RAP1A: variants seen among roughly 807,000 people sequenced by gnomAD.
The protein encoded by RAP1A is ras-related protein Rap-1A.
RAP1A carries 6 observed loss-of-function variants against 26.4 expected under a neutral mutation model. The observed-to-expected ratio is 0.23, with a 90% confidence interval of 0.12 to 0.45. RAP1A has a LOEUF of 0.45. Among genes scored for constraint, RAP1A ranks in the 20% least tolerant of loss-of-function variants. The pLI is 0.99. For synonymous variants in RAP1A, 73 were observed against 79.4 expected (o/e 0.92, Z 0.43); for missense variants, 121 against 217.2 (o/e 0.56, Z 2.78).
intron 7 of RAP1A, among the ~76,000 whole-genome samples, chr1:111,709,777 C>T (rs1408934745): frequency 1.3e-5 from 2 of 152,194 alleles, no homozygotes; most frequent in African/African-American, 4.8e-5. Flanking sequence ...AGTGTATTTC[C>T]TGTGTCTGGC....
In RAP1A at chr1:111,703,332, A is replaced by T; in HGVS notation, c.184-4A>T. 1 of 1,532,476 alleles carries T rather than the reference A, an allele frequency of 6.5e-7. No homozygotes were observed. Among genetic ancestry groups the T allele is most frequent in the South Asian group, 1.3e-5 (1 of 78,464 alleles). 94.9% of individuals were successfully genotyped at this position (1,532,476 alleles called of 1,614,324 possible). A position where few individuals can be genotyped will look rare whatever the true frequency, so the allele number is the denominator to read the frequency against. ...TTTATAATTGCATATTTTTTAAATC[A>T]TAGGAGCAATTTACAGCAATGAGGG... On this transcript the variant is annotated splice_region_variant and splice_polypyrimidine_tract_variant and intron_variant, in intron 4 of 7. Transcript: ENST00000369709.
At chr1:111,636,938 A>G (rs1057005552) in intron 1 of RAP1A, among the ~76,000 whole-genome samples, 16 of 152,068 alleles carry the variant, frequency 1.1e-4, no homozygotes, top group African/African-American at 1.4e-4. Flanking sequence ...TCATATTTCC[A>G]TGGAGTGGTG....
chr1:111,617,961 C>A (rs901088609), upstream of RAP1A, among the ~76,000 whole-genome samples: 1 of 151,410 alleles, frequency 6.6e-6, no homozygotes, highest in Non-Finnish European at 1.5e-5. Flanking sequence ...GAGAATCGCT[C>A]GAACCAGGGA....
chr1:111,597,247 T>C (rs1658580097), intron 1 of RAP1A, among the ~76,000 whole-genome samples: 1 of 152,238 alleles, frequency 6.6e-6, no homozygotes, highest in Non-Finnish European at 1.5e-5. Context: ...TTATTTTTCT[T>C]ACTTCTCCTT....
At chr1:111,665,640 A>G (rs868098242) in intron 1 of RAP1A, among the ~76,000 whole-genome samples, 2 of 152,220 alleles carry the variant, frequency 1.3e-5, no homozygotes, top group African/African-American at 4.8e-5. Context: ...CACTTAGTCA[A>G]ACATTTACTG....
chr1:111,685,438 AC>A (rs1380653641), intron 1 of RAP1A, among the ~76,000 whole-genome samples: 11 of 151,604 alleles, frequency 7.3e-5, no homozygotes, highest in Non-Finnish European at 1.5e-4. Flanking sequence ...AAAAAAAGAA[AC>A]AACCTCATCA....
At chr1:111,557,092 G>A (rs545442172) in intron 1 of RAP1A, among the ~76,000 whole-genome samples, 4 of 152,106 alleles carry the variant, frequency 2.6e-5, no homozygotes, top group African/African-American at 9.6e-5. Flanking sequence ...GATCTACAAA[G>A]AGAAATGTTA....
intron 1 of RAP1A, among the ~76,000 whole-genome samples, chr1:111,543,164 G>A (rs2027256): frequency 0.096 from 14,665 of 152,070 alleles, 1,173 homozygotes; most frequent in East Asian, 0.47. Flanking sequence ...ACAGCTCTTT[G>A]GTAACTCAAC....
At position 111,714,585 on chromosome 1, in the gene RAP1A, G is replaced by A. The variant is rs1446266476; in HGVS notation, c.*2184G>A. 1.3e-5 allele frequency: 2 copies of A among 152,190 alleles called. No homozygotes were observed. The highest frequency in any genetic ancestry group is 2.9e-5 in the Non-Finnish European group (2 of 68,040). The allele number at this position is 152,190 out of a possible 1,614,324, so 9.4% of individuals were successfully genotyped here. On this transcript the variant is annotated 3_prime_UTR_variant, in exon 8 of 8. Transcript: ENST00000369709. ...GTCACATCTTATACAGTCCACTTGG[G>A]TTAAAGGTGGAACTGTCAAGAAAAA...
intron 1 of RAP1A, among the ~76,000 whole-genome samples, chr1:111,613,215 T>C (rs1334031554): frequency 6.6e-6 from 1 of 152,058 alleles, no homozygotes; most frequent in Admixed American, 6.5e-5. Context: ...TTTCTTTTTT[T>C]TTGAGACGGA....
chr1:111,690,841 A>C (rs994344984), intron 1 of RAP1A, among the ~76,000 whole-genome samples: 1 of 152,208 alleles, frequency 6.6e-6, no homozygotes, highest in South Asian at 2.1e-4. Flanking sequence ...CACATCTTTA[A>C]TTATTTTCAA....
chr1:111,546,799 G>T (rs1239510865), intron 1 of RAP1A, among the ~76,000 whole-genome samples: 1 of 152,096 alleles, frequency 6.6e-6, no homozygotes, highest in Non-Finnish European at 1.5e-5. Flanking sequence ...AAATAGAATT[G>T]CTGGATCATA....
intron 1 of RAP1A, among the ~76,000 whole-genome samples, chr1:111,646,828 C>T (rs1043987507): frequency 7.9e-5 from 12 of 152,194 alleles, no homozygotes; most frequent in South Asian, 2.1e-4. Flanking sequence ...CGTGAGCCAC[C>T]GCGCACAGAC....
At chr1:111,702,236 A>G (rs1444663669) in intron 4 of RAP1A, among the ~76,000 whole-genome samples, 3 of 152,176 alleles carry the variant, frequency 2.0e-5, no homozygotes, top group Non-Finnish European at 4.4e-5. Flanking sequence ...TCCAAACTGT[A>G]TAGTTATTTA....
At chr1:111,598,483 C>T (rs183623671) in intron 1 of RAP1A, among the ~76,000 whole-genome samples, 10 of 152,130 alleles carry the variant, frequency 6.6e-5, no homozygotes, top group East Asian at 5.8e-4. Flanking sequence ...TTGTCCCACA[C>T]GCTTCAAAAC....
At chr1:111,549,182 T>A (rs1224551164) in intron 1 of RAP1A, among the ~76,000 whole-genome samples, 1 of 152,180 alleles carries the variant, frequency 6.6e-6, no homozygotes, top group Non-Finnish European at 1.5e-5. Flanking sequence ...TAGGGTAATA[T>A]TGGTCTTATA....
intron 1 of RAP1A, among the ~76,000 whole-genome samples, chr1:111,623,870 A>G (rs1203169693): frequency 1.3e-5 from 2 of 152,188 alleles, no homozygotes; most frequent in Non-Finnish European, 2.9e-5. Flanking sequence ...CATCTACACA[A>G]GGGAGTGGGT....
At chr1:111,569,576 G>A (rs972305198) in intron 1 of RAP1A, among the ~76,000 whole-genome samples, 1 of 151,818 alleles carries the variant, frequency 6.6e-6, no homozygotes, top group Non-Finnish European at 1.5e-5. Context: ...TTAAGGACAT[G>A]AGCTAGATTA....
intron 1 of RAP1A, among the ~76,000 whole-genome samples, chr1:111,555,498 G>A (rs1657453667): frequency 6.7e-6 from 1 of 149,534 alleles, no homozygotes; most frequent in Admixed American, 6.7e-5. Context: ...GACTCACCCA[G>A]AAGAATTAGT....
Sources: gnomAD v4.1 joint callset for allele counts (sites outside exome capture counted in the v4.1 genomes callset) on GRCh38, gnomAD v4.1.1 for gene constraint, MANE v1.5 for transcripts, NCBI Gene and HGNC (gene_info 2026-07-23, HGNC 2026-07-21) for gene names.